The following RERE variants were observed in gnomAD, a reference collection of about 807,000 sequenced individuals.
The protein encoded by RERE is arginine-glutamic acid dipeptide repeats, also known as arginine-glutamic acid dipeptide repeats protein.
A neutral mutation model predicts 146.1 loss-of-function variants in RERE; 40 were observed. The ratio of observed to expected loss-of-function variants is 0.27; its 90% CI spans 0.21 to 0.36. The LOEUF (loss-of-function observed/expected upper bound fraction) is 0.36, where lower values mean the gene tolerates loss of function less well. Ranked by LOEUF, RERE falls within the 10% of genes least tolerant of loss-of-function variation. The pLI is 1.00. For synonymous variants in RERE, 1,003 were observed against 866.0 expected (o/e 1.16, Z -2.78); for missense variants, 1,933 against 2,138.7 (o/e 0.90, Z 1.90).
At chr1:8,512,678 T>C (rs1455290589) in intron 7 of RERE, 3 of 152,364 alleles carry the variant, frequency 2.0e-5, no homozygotes, top group African/African-American at 7.2e-5. Flanking sequence ...AGTGACTTCT[T>C]CCACGAATCG....
intron 7 of RERE, among the ~76,000 whole-genome samples, chr1:8,520,749 CTTT>C (rs34177564): frequency 3.9e-4 from 44 of 112,472 alleles, no homozygotes; most frequent in East Asian, 2.6e-3. Context: ...AGCCAAAAAA[CTTT>C]TTAAAAAAAA....
At chr1:8,701,432 C>T (rs1639448812) in intron 1 of RERE, among the ~76,000 whole-genome samples, 1 of 152,070 alleles carries the variant, frequency 6.6e-6, no homozygotes, top group Non-Finnish European at 1.5e-5. Context: ...GGAAGTGGTA[C>T]AGCTACATTA....
chr1:8,354,253 C>A lies in RERE; in HGVS notation c.*834G>T, dbSNP rs1194796969. The A allele has an allele frequency of 6.6e-6, 1 of 152,544 alleles. No individual in the cohort carries two copies. Among genetic ancestry groups the A allele is most frequent in the Non-Finnish European group, 1.5e-5 (1 of 68,026 alleles). 9.4% of individuals were successfully genotyped at this position (152,544 alleles called of 1,614,324 possible). On this transcript the variant is annotated 3_prime_UTR_variant, in exon 23 of 23. Coordinates refer to ENST00000400908, the MANE Select transcript of RERE (RefSeq NM_001042681.2). ...GCAGATGTCTGTGCTGCTGGCAGAG[C>A]ACAGGCTAGGAGCAGACACAAGTGA...
chr1:8,747,966 T>C (rs1376786933), intron 1 of RERE, among the ~76,000 whole-genome samples: 1 of 152,046 alleles, frequency 6.6e-6, no homozygotes, highest in Non-Finnish European at 1.5e-5. Flanking sequence ...TTAGTAGAGA[T>C]GGGGTTTCAC....
At chr1:8,560,488 A>AC (rs1375371147) in intron 4 of RERE, among the ~76,000 whole-genome samples, 5 of 152,224 alleles carry the variant, frequency 3.3e-5, no homozygotes, top group Non-Finnish European at 5.9e-5. Flanking sequence ...AAGATGGCCT[A>AC]CTGGAAAGAA....
At chr1:8,480,132 T>TTTTTTTTTG (rs1644813157) in intron 10 of RERE, among the ~76,000 whole-genome samples, 1 of 115,166 alleles carries the variant, frequency 8.7e-6, no homozygotes, top group Non-Finnish European at 1.6e-5. Context: ...TTTTTTGTTT[T>TTTTTTTTTG]TTTTTTTTTT....
intron 10 of RERE, among the ~76,000 whole-genome samples, chr1:8,490,879 C>A (rs1374881498): frequency 6.7e-6 from 1 of 149,794 alleles, no homozygotes; most frequent in Non-Finnish European, 1.5e-5. Flanking sequence ...ATAGTAGTTT[C>A]ACAGATTTAT....
intron 12 of RERE, among the ~76,000 whole-genome samples, chr1:8,374,584 C>T (rs1394087154): frequency 6.6e-6 from 1 of 152,124 alleles, no homozygotes; most frequent in Admixed American, 6.5e-5. Flanking sequence ...TTCCCTGGGC[C>T]GGCCCTCCCA....
chr1:8,505,538 G>C (rs577465063), intron 8 of RERE, among the ~76,000 whole-genome samples: 1 of 152,046 alleles, frequency 6.6e-6, no homozygotes, highest in Non-Finnish European at 1.5e-5. Context: ...CTAATAAAAA[G>C]GTTAATTTTT....
chr1:8,608,756 G>A (rs1304762711), intron 4 of RERE, among the ~76,000 whole-genome samples: 1 of 152,144 alleles, frequency 6.6e-6, no homozygotes, highest in African/African-American at 2.4e-5. Flanking sequence ...TGCCCCTTTT[G>A]GAAAAAAGAT....
At chr1:8,512,972 C>G (rs757502340) in intron 7 of RERE, 1 of 152,130 alleles carries the variant, frequency 6.6e-6, no homozygotes, top group Non-Finnish European at 1.5e-5. Context: ...ACCAACCTCC[C>G]CAGGCTGGGC....
chr1:8,751,575 T>C (rs532652492), intron 1 of RERE, among the ~76,000 whole-genome samples: 6 of 152,272 alleles, frequency 3.9e-5, no homozygotes, highest in African/African-American at 9.6e-5. Context: ...CTCTCTGCAC[T>C]GACAGGTGAA....
At chr1:8,628,880 A>G (rs973855399) in intron 2 of RERE, among the ~76,000 whole-genome samples, 9 of 152,208 alleles carry the variant, frequency 5.9e-5, no homozygotes, top group African/African-American at 2.2e-4. Context: ...GGTTTTAGTC[A>G]GTAGGATCAA....
chr1:8,360,796 T>G lies in RERE; in HGVS notation c.2711A>C (p.Gln904Pro), dbSNP rs553849886. 1 of 1,583,694 alleles carries G rather than the reference T, an allele frequency of 6.3e-7. No individual in the cohort carries two copies. Among genetic ancestry groups the G allele is most frequent in the African/African-American group, 1.3e-5 (1 of 74,628 alleles). Reference protein sequence around the residue: ...PHTSLQLPASQSALQSQQPPR... With the variant: ...PHTSLQLPASPSALQSQQPPR... ...AGGCTGTTGGGACTGCAGCGCTGACTGAGAGGCTGGCAGCTGCAGGGAGGT... is the reference window on the plus strand; with the variant it reads ...AGGCTGTTGGGACTGCAGCGCTGACGGAGAGGCTGGCAGCTGCAGGGAGGT... The change falls in exon 18 of 23, where the codon CAG becomes CCG. Residue 904 changes from glutamine (Q) to proline (P), a missense_variant. Transcript: ENST00000400908.
At chr1:8,499,356 G>C (rs1451098714) in intron 8 of RERE, among the ~76,000 whole-genome samples, 1 of 152,328 alleles carries the variant, frequency 6.6e-6, no homozygotes, top group South Asian at 2.1e-4. Context: ...ATCTGGACTA[G>C]CCATATTCCA....
At chr1:8,446,629 T>C (rs764356923) in intron 11 of RERE, among the ~76,000 whole-genome samples, 10 of 152,156 alleles carry the variant, frequency 6.6e-5, no homozygotes, top group African/African-American at 9.7e-5. Flanking sequence ...CAATCAAACG[T>C]AGGTTTGGTC....
intron 1 of RERE, among the ~76,000 whole-genome samples, chr1:8,737,216 A>G (rs1640218755): frequency 6.6e-6 from 1 of 152,176 alleles, no homozygotes; most frequent in African/African-American, 2.4e-5. Context: ...CCACAGACTT[A>G]TCTTAGGGCA....
In RERE at chr1:8,806,147, C is replaced by G. The variant is rs149429789; in HGVS notation, c.-145+11013G>C. 6.1e-3 allele frequency among the ~76,000 whole-genome samples: 928 copies of G among 152,102 alleles called. 17 individuals are homozygous for G. Among genetic ancestry groups the G allele is most frequent in the Admixed American group, 0.038 (580 of 15,260 alleles). On this transcript the variant is annotated intron_variant, in intron 1 of 22. Transcript: ENST00000400908. ...GATTACAGGCATGAGCCACTGCACC[C>G]GGCCAACAAACTTATTTTTGATTAT...
chr1:8,679,273 TA>T (rs1638912292), intron 1 of RERE, among the ~76,000 whole-genome samples: 1 of 152,206 alleles, frequency 6.6e-6, no homozygotes, highest in South Asian at 2.1e-4. Flanking sequence ...GGCAACAGAT[TA>T]CAATTCTTCT....
Sources: gnomAD v4.1 joint callset for allele counts (sites outside exome capture counted in the v4.1 genomes callset) on GRCh38, gnomAD v4.1.1 for gene constraint, MANE v1.5 for transcripts, NCBI Gene and HGNC (gene_info 2026-07-23, HGNC 2026-07-21) for gene names.